The following MACO1 variants were observed in gnomAD, a reference collection of about 807,000 sequenced individuals.
MACO1 encodes macoilin.
A neutral mutation model predicts 78.7 loss-of-function variants in MACO1; 14 were observed. That is an observed-to-expected ratio of 0.18 (90% CI 0.12 to 0.28). MACO1 has a LOEUF of 0.28. Ranked by LOEUF, MACO1 falls within the 10% of genes least tolerant of loss-of-function variation. The pLI is 1.00. For missense variants in MACO1, 501 were observed against 799.0 expected (o/e 0.63, Z 4.50); for synonymous variants, 288 against 291.6 (o/e 0.99, Z 0.12).
At chr1:25,453,006 T>A (rs1477431558) in intron 3 of MACO1, among the ~76,000 whole-genome samples, 1 of 141,934 alleles carries the variant, frequency 7.0e-6, no homozygotes, top group Non-Finnish European at 1.5e-5. Context: ...TACAGTGAAT[T>A]TTTTTTTTTT....
intron 4 of MACO1, among the ~76,000 whole-genome samples, chr1:25,455,804 T>G (rs1019889522): frequency 1.3e-5 from 2 of 152,144 alleles, no homozygotes; most frequent in Non-Finnish European, 2.9e-5. Context: ...CTTCAAGGAA[T>G]AGCTGGTGAC....
intron 8 of MACO1, among the ~76,000 whole-genome samples, chr1:25,488,764 C>T (rs1341846358): frequency 2.6e-5 from 4 of 152,050 alleles, no homozygotes; most frequent in Non-Finnish European, 5.9e-5. Flanking sequence ...TGATTACAGG[C>T]GTGAGCCACT....
intron 3 of MACO1, among the ~76,000 whole-genome samples, 189 bp from the exon 4 acceptor site, chr1:25,454,070 A>AT (rs1371722171): frequency 1.3e-5 from 2 of 151,894 alleles, no homozygotes; most frequent in South Asian, 4.1e-4. Context: ...TTTGTCTTTT[A>AT]TTTTTGTCAG....
rs890469817 is a variant in MACO1, at chr1:25,439,361, G to A, written c.81-7401G>A. Among the ~76,000 whole-genome samples, 5 of 151,550 alleles carry A rather than the reference G, an allele frequency of 3.3e-5. No homozygotes were observed. In the East Asian group the frequency reaches 5.8e-4, roughly 18 times the overall value. Reference sequence around the variant, plus strand: ...CAGTGAGTTATGATCACACCACTGCGCTACAGCCTAGGAGACAGAGTAAGA... The same window carrying A: ...CAGTGAGTTATGATCACACCACTGCACTACAGCCTAGGAGACAGAGTAAGA... On this transcript the variant is annotated intron_variant, in intron 1 of 10. Coordinates refer to ENST00000374343, the MANE Select transcript of MACO1 (RefSeq NM_018202.6).
rs374153687 is a variant in MACO1, at chr1:25,451,066, T to TGG, written c.349+2133_349+2134insGG. ...CAGCAGTGTAGCTAATGTCATAAAATGCTACTGGCCCATCTTTAGCCCTAG... is the reference window on the plus strand; with the variant it reads ...CAGCAGTGTAGCTAATGTCATAAAATGGGCTACTGGCCCATCTTTAGCCCTAG... On this transcript the variant is annotated intron_variant, in intron 3 of 10. Transcript: ENST00000374343. 1.0e-3 allele frequency among the ~76,000 whole-genome samples: 159 copies of TGG among 152,294 alleles called. 1 individual carries two copies. The highest frequency in any genetic ancestry group is 3.1e-3 in the Admixed American group (47 of 15,304).
intron 3 of MACO1, among the ~76,000 whole-genome samples, chr1:25,453,021 T>C (rs2043081662): frequency 6.7e-6 from 1 of 148,404 alleles, no homozygotes; most frequent in Admixed American, 6.7e-5. Flanking sequence ...TTTTTTTTTT[T>C]TGAGATGGAG....
intron 6 of MACO1, among the ~76,000 whole-genome samples, chr1:25,470,687 G>T (rs892364783): frequency 3.4e-4 from 51 of 152,196 alleles, no homozygotes; most frequent in African/African-American, 1.2e-3. Flanking sequence ...AGTGGGGTGG[G>T]GAGGGGGCAG....
At position 25,485,698 on chromosome 1, in the gene MACO1, C is replaced by T. The variant is rs1285584980; in HGVS notation, c.1399C>T (p.Arg467Ter). ...EKKLKAEQEA[R>*]SFVEKQLMEE... Reference sequence around the variant, plus strand: ...AAAGCTAAAAGCTGAGCAGGAAGCCCGAAGTTTTGTAGAGAAACAGTTAAT... The same window carrying T: ...AAAGCTAAAAGCTGAGCAGGAAGCCTGAAGTTTTGTAGAGAAACAGTTAAT... The change falls in exon 8 of 11, where the codon CGA becomes TGA. Residue 467 changes from arginine (R) to a stop codon, truncating the protein, a stop_gained. Coordinates refer to ENST00000374343, the MANE Select transcript of MACO1 (RefSeq NM_018202.6). LOFTEE classifies it high-confidence loss of function. The surrounding 1 kb of genome is among the most constrained non-coding windows in gnomAD (Gnocchi z 4.3). 1.2e-6 allele frequency: 2 copies of T among 1,613,970 alleles called. No individual in the cohort carries two copies. The highest frequency in any genetic ancestry group is 1.7e-6 in the Non-Finnish European group (2 of 1,180,004).
chr1:25,440,230 CA>C (rs35841483), intron 1 of MACO1, among the ~76,000 whole-genome samples: 52,162 of 95,868 alleles, frequency 0.54, 11,881 homozygotes, highest in Non-Finnish European at 0.57. Flanking sequence ...CCCATCTCTA[CA>C]AAAAAAAAAA....
At chr1:25,489,996 T>C (rs1342672227) in intron 9 of MACO1, among the ~76,000 whole-genome samples, 1 of 152,038 alleles carries the variant, frequency 6.6e-6, no homozygotes, top group Non-Finnish European at 1.5e-5. Context: ...GAAAAAAAAT[T>C]AGAAACTCAT....
At chr1:25,441,696 G>A (rs1335626483) in intron 1 of MACO1, among the ~76,000 whole-genome samples, 2 of 152,292 alleles carry the variant, frequency 1.3e-5, no homozygotes, top group Admixed American at 6.5e-5. Context: ...TATGTAATGG[G>A]GTCCTAGTCT....
At chr1:25,449,456 A>G (rs2043045494) in intron 3 of MACO1, among the ~76,000 whole-genome samples, 1 of 152,174 alleles carries the variant, frequency 6.6e-6, no homozygotes, top group Non-Finnish European at 1.5e-5. Flanking sequence ...GTTATTCCTC[A>G]TATTAAGCCA....
At chr1:25,468,766 C>G (rs1369694723) in intron 6 of MACO1, among the ~76,000 whole-genome samples, 1 of 152,164 alleles carries the variant, frequency 6.6e-6, no homozygotes, top group Admixed American at 6.5e-5. Flanking sequence ...GTAGACCTGC[C>G]TCAGAGAAGA....
intron 1 of MACO1, among the ~76,000 whole-genome samples, chr1:25,436,615 T>C (rs1160538457): frequency 1.3e-5 from 2 of 152,224 alleles, no homozygotes; most frequent in African/African-American, 4.8e-5. Context: ...GTTAGACTTT[T>C]TCCACTGTGG....
At chr1:25,497,337 G>A (rs988630731) in intron 10 of MACO1, among the ~76,000 whole-genome samples, 13 of 147,888 alleles carry the variant, frequency 8.8e-5, no homozygotes, top group Admixed American at 6.1e-4. Context: ...CCGAGATCTC[G>A]CCACTGCACT....
At chr1:25,475,144 A>G (rs2043309988) in intron 6 of MACO1, among the ~76,000 whole-genome samples, 1 of 151,282 alleles carries the variant, frequency 6.6e-6, no homozygotes, top group Non-Finnish European at 1.5e-5. Flanking sequence ...GGAGATCGAG[A>G]CCATCCTGGC....
chr1:25,483,283 T>A (rs2043397195), intron 6 of MACO1, among the ~76,000 whole-genome samples: 1 of 152,194 alleles, frequency 6.6e-6, no homozygotes, highest in African/African-American at 2.4e-5. Flanking sequence ...ACTCCTGACC[T>A]CAGGTGATCC....
chr1:25,463,408 G>A (rs994780351), intron 6 of MACO1, among the ~76,000 whole-genome samples: 1 of 152,204 alleles, frequency 6.6e-6, no homozygotes, highest in South Asian at 2.1e-4. Context: ...CTTGCCAAAG[G>A]CAGTCTGGAG....
At position 25,454,965 on chromosome 1, in the gene MACO1, G is replaced by A. The variant is rs72887451; in HGVS notation, c.473+583G>A. ...GCTCTGTCCTCTGACAGCTTGTGTT[G>A]CCTTGTCACTGCCTCTAAGCCATGG... On this transcript the variant is annotated intron_variant, in intron 4 of 10. Transcript: ENST00000374343. 5.3e-3 allele frequency among the ~76,000 whole-genome samples: 803 copies of A among 152,150 alleles called. 4 individuals carry two copies. Among genetic ancestry groups the A allele is most frequent in the African/African-American group, 0.018 (762 of 41,508 alleles).
Sources: gnomAD v4.1 joint callset for allele counts (sites outside exome capture counted in the v4.1 genomes callset) on GRCh38, gnomAD v4.1.1 for gene constraint, Gnocchi (gnomAD v3.1) non-coding constraint, MANE v1.5 for transcripts, NCBI Gene and HGNC (gene_info 2026-07-23, HGNC 2026-07-21) for gene names.